The following GLIS3 variants were observed in gnomAD, a reference collection of about 807,000 sequenced individuals.
GLIS3 encodes the protein zinc finger protein GLIS3.
GLIS3 carries 53 observed loss-of-function variants against 78.6 expected under a neutral mutation model. The ratio of observed to expected loss-of-function variants is 0.67; its 90% CI spans 0.54 to 0.85. The LOEUF is 0.85. Among genes scored for constraint, GLIS3 ranks in the 40% least tolerant of loss-of-function variants. The pLI is 0.00. For synonymous variants in GLIS3, 684 were observed against 509.9 expected (o/e 1.34, Z -4.60); for missense variants, 1,703 against 1,231.1 (o/e 1.38, Z -5.74).
At chr9:4,239,662 C>A (rs1293045008) in intron 2 of GLIS3, among the ~76,000 whole-genome samples, 1 of 152,220 alleles carries the variant, frequency 6.6e-6, no homozygotes, top group Non-Finnish European at 1.5e-5. Context: ...AATAAGTGAT[C>A]TAAAGATTGT....
At position 4,125,896 on chromosome 9, in the gene GLIS3, C is replaced by G; in HGVS notation, c.434G>C (p.Ser145Thr). Residue 145 changes from serine (S) to threonine (T), a missense_variant, in exon 3 of 11, where the codon AGC becomes ACC. By Grantham distance (58) the Ser-to-Thr change is moderately conservative (BLOSUM62 1). Transcript: ENST00000381971. ...GCTGGTGACCACTAGATTGTTGCAG[C>G]TGCCTTTTCCAATGGACTTGCACTG... ...GPQCKSIGKG[S>T]CNNLVVTSSP... 6.2e-7 allele frequency: 1 copy of G among 1,613,960 alleles called. No individual in the cohort carries two copies. The highest frequency in any genetic ancestry group is 8.5e-7 in the Non-Finnish European group (1 of 1,179,946).
chr9:4,445,456 G>C, the GLIS3 span, among the ~76,000 whole-genome samples: 2 of 152,030 alleles, frequency 1.3e-5, no homozygotes, highest in Non-Finnish European at 2.9e-5. Flanking sequence ...GTGGGACCTA[G>C]TCTCTACAAT....
At chr9:4,349,192 G>A (rs1433155770), upstream of GLIS3, among the ~76,000 whole-genome samples, 6 of 152,196 alleles carry the variant, frequency 3.9e-5, no homozygotes, top group African/African-American at 1.4e-4. Flanking sequence ...CCAGTTGATA[G>A]CAATCTCTCC....
intron 4 of GLIS3, among the ~76,000 whole-genome samples, chr9:4,050,101 T>C (rs1278010686): frequency 1.3e-5 from 2 of 152,174 alleles, no homozygotes; most frequent in Admixed American, 6.5e-5. Flanking sequence ...TTACTGGGTA[T>C]ATAACCAAAG....
At chr9:4,281,980 A>C (rs1827598155) in intron 2 of GLIS3, among the ~76,000 whole-genome samples, 1 of 152,182 alleles carries the variant, frequency 6.6e-6, no homozygotes, top group Admixed American at 6.5e-5. Flanking sequence ...TATTAAAGCC[A>C]CTGTTATTTG....
chr9:3,965,884 A>G (rs980531226), intron 4 of GLIS3, among the ~76,000 whole-genome samples: 4 of 152,224 alleles, frequency 2.6e-5, no homozygotes, highest in South Asian at 2.1e-4. Flanking sequence ...ACAACCTCAC[A>G]TAACTATAAC....
chr9:3,872,664 C>A (rs758183364), intron 8 of GLIS3, among the ~76,000 whole-genome samples: 2 of 152,176 alleles, frequency 1.3e-5, no homozygotes, highest in Non-Finnish European at 2.9e-5. Context: ...TATCTCCCAA[C>A]AGATCCCTCC....
In GLIS3 at chr9:4,178,627, A is replaced by G. The variant is rs113160370; in HGVS notation, c.389-52686T>C. On this transcript the variant is annotated intron_variant, in intron 2 of 10. Transcript: ENST00000381971. ...CAAGTGCAAATATAACCCCTGACAT[A>G]GCAACCACAGTTTATCATAAACACA... Among the ~76,000 whole-genome samples the G allele has an allele frequency of 6.6e-3, 1,005 of 152,354 alleles. 4 individuals are homozygous for G. The highest frequency in any genetic ancestry group is 0.011 in the Non-Finnish European group (779 of 68,038).
In GLIS3 at chr9:4,338,877, AT is replaced by A. The variant is rs531385807; in HGVS notation, n.264+8203del. Among the ~76,000 whole-genome samples the A allele has an allele frequency of 3.3e-4, 50 of 152,092 alleles. 1 individual carries two copies. Among genetic ancestry groups the A allele is most frequent in the African/African-American group, 1.2e-3 (49 of 41,492 alleles). On this transcript the variant is annotated intron_variant and non_coding_transcript_variant, in intron 2 of 4. Coordinates refer to the GLIS3 transcript ENST00000471664. ...TTGGGGTATGTGCCTGAGTCTTGGGATTTTTTTTAAAGCTCCCCAAGTGATT... is the reference window on the plus strand; with the variant it reads ...TTGGGGTATGTGCCTGAGTCTTGGGATTTTTTTAAAGCTCCCCAAGTGATT...
chr9:3,945,170 C>A (rs1816208208), intron 4 of GLIS3, among the ~76,000 whole-genome samples: 1 of 152,166 alleles, frequency 6.6e-6, no homozygotes, highest in African/African-American at 2.4e-5. Context: ...CGAACCATAG[C>A]AAAAGCTAAA....
At chr9:4,015,088 A>G (rs1822329902) in intron 4 of GLIS3, among the ~76,000 whole-genome samples, 2 of 152,246 alleles carry the variant, frequency 1.3e-5, no homozygotes, top group Non-Finnish European at 2.9e-5. Flanking sequence ...CATAGTGTCC[A>G]ATAAGAGCAC....
Position 3,993,474 on chromosome 9 carries a change from G to A in GLIS3, c.1711-56285C>T, listed in dbSNP as rs556110287. On this transcript the variant is annotated intron_variant, in intron 4 of 10. Coordinates refer to ENST00000381971, the MANE Select transcript of GLIS3 (RefSeq NM_001042413.2). ...TATCATATAGACAATTTAGAAATATGTATAAGTATGAATGTATATGTACAT... is the reference window on the plus strand; with the variant it reads ...TATCATATAGACAATTTAGAAATATATATAAGTATGAATGTATATGTACAT... Among the ~76,000 whole-genome samples, 27 of 152,252 alleles carry A rather than the reference G, an allele frequency of 1.8e-4. No homozygotes were observed. In the South Asian group the frequency reaches 1.9e-3, roughly 11 times the overall value.
rs990616394 is a variant in GLIS3, at chr9:4,327,420, C to G, written n.265-16892G>C. On this transcript the variant is annotated intron_variant and non_coding_transcript_variant, in intron 2 of 4. Coordinates refer to the GLIS3 transcript ENST00000471664. ...AGGTGTCAAGAGAAATGTGGGAGAT[C>G]AGTTAGGAGGGTCCTGCAGTAGTCC... Among the ~76,000 whole-genome samples, 9 of 152,026 alleles carry G rather than the reference C, an allele frequency of 5.9e-5. 1 individual carries two copies. Among genetic ancestry groups the G allele is most frequent in the African/African-American group, 1.9e-4 (8 of 41,380 alleles).
At chr9:4,467,669 A>G in the GLIS3 span, among the ~76,000 whole-genome samples, 39 of 152,342 alleles carry the variant, frequency 2.6e-4, no homozygotes, top group African/African-American at 8.7e-4. Context: ...ATAAAACCAC[A>G]AAGATGGGGA....
intron 2 of GLIS3, among the ~76,000 whole-genome samples, chr9:4,329,788 G>C (rs1175307206): frequency 6.6e-6 from 1 of 152,168 alleles, no homozygotes; most frequent in South Asian, 2.1e-4. Context: ...TCTTTACAAC[G>C]TATTAATACT....
chr9:4,264,529 G>T (rs1460740694), intron 2 of GLIS3, among the ~76,000 whole-genome samples: 3 of 152,094 alleles, frequency 2.0e-5, no homozygotes, highest in Non-Finnish European at 2.9e-5. Flanking sequence ...TCCTATCTCA[G>T]TCTATAAGAA....
At chr9:4,327,116 C>G (rs1273976648) in intron 2 of GLIS3, among the ~76,000 whole-genome samples, 1 of 152,052 alleles carries the variant, frequency 6.6e-6, no homozygotes. Context: ...GGGACAGGAG[C>G]TGAGAGAAAG....
chr9:4,334,147 C>G (rs1436507974), intron 2 of GLIS3, among the ~76,000 whole-genome samples: 3 of 152,000 alleles, frequency 2.0e-5, no homozygotes, highest in Non-Finnish European at 4.4e-5. Context: ...AAAAATTCAC[C>G]CAAATTTAGG....
the GLIS3 span, among the ~76,000 whole-genome samples, chr9:4,385,286 A>G: frequency 2.0e-5 from 3 of 152,216 alleles, no homozygotes; most frequent in Non-Finnish European, 4.4e-5. Flanking sequence ...ATAGAAGTTG[A>G]TACCTAAAAT....
Sources: allele counts gnomAD v4.1 joint callset (sites outside exome capture counted in the v4.1 genomes callset), GRCh38; gene constraint gnomAD v4.1.1; transcripts MANE v1.5; gene names NCBI Gene and HGNC (gene_info 2026-07-23, HGNC 2026-07-21).